The following EPHA6 variants were observed in gnomAD, a reference collection of about 807,000 sequenced individuals.
The protein encoded by EPHA6 is ephrin type-A receptor 6.
A neutral mutation model predicts 112.0 loss-of-function variants in EPHA6; 50 were observed. The observed-to-expected ratio is 0.45, with a 90% CI of 0.36 to 0.56. The LOEUF (loss-of-function observed/expected upper bound fraction) is 0.56, where lower values mean the gene tolerates loss of function less well. Ranked by LOEUF, EPHA6 falls within the 20% of genes least tolerant of loss-of-function variation. The pLI is 0.00. For synonymous variants in EPHA6, 529 were observed against 490.7 expected (o/e 1.08, Z -1.03); for missense variants, 1,280 against 1,417.4 (o/e 0.90, Z 1.56).
At chr3:97,195,548 A>G (rs2077416934) in intron 3 of EPHA6, among the ~76,000 whole-genome samples, 1 of 151,994 alleles carries the variant, frequency 6.6e-6, no homozygotes, top group Non-Finnish European at 1.5e-5. Context: ...GTGTTATAAT[A>G]TTCTGTGTTT....
At chr3:97,226,201 C>T (rs1212898456) in intron 3 of EPHA6, 63 bp from the exon 4 acceptor site, 3 of 1,370,500 alleles carry the variant, frequency 2.2e-6, no homozygotes, top group African/African-American at 2.9e-5. Flanking sequence ...GTATGTTGTA[C>T]ATGTACAAAT....
intron 2 of EPHA6, among the ~76,000 whole-genome samples, chr3:96,931,799 AATACC>A (rs1186500578): frequency 6.6e-6 from 1 of 152,132 alleles, no homozygotes; most frequent in African/African-American, 2.4e-5. Context: ...GGGCCCTCAG[AATACC>A]GCTGCTTGGC....
chr3:97,633,089 A>G (rs557707331), intron 13 of EPHA6, among the ~76,000 whole-genome samples: 2 of 152,190 alleles, frequency 1.3e-5, no homozygotes, highest in South Asian at 4.1e-4. Context: ...TACCACATAG[A>G]CAATGCGACA....
At chr3:97,080,320 A>G (rs1021897473) in intron 3 of EPHA6, among the ~76,000 whole-genome samples, 3 of 151,988 alleles carry the variant, frequency 2.0e-5, no homozygotes, top group Non-Finnish European at 4.4e-5. Flanking sequence ...AGTTAATGGC[A>G]GGATATTGCA....
chr3:97,567,043 C>T (rs906036387), intron 11 of EPHA6, among the ~76,000 whole-genome samples: 5 of 152,140 alleles, frequency 3.3e-5, no homozygotes, highest in Non-Finnish European at 5.9e-5. Context: ...ATGTGCTCTT[C>T]CAAGACCACA....
chr3:97,646,701 A>G (rs301950), intron 14 of EPHA6, among the ~76,000 whole-genome samples: 93,975 of 151,992 alleles, frequency 0.62, 29,211 homozygotes, highest in African/African-American at 0.7. Context: ...CTGCATCCTG[A>G]GCTACTGTGT....
intron 3 of EPHA6, among the ~76,000 whole-genome samples, chr3:97,131,761 T>G (rs758396064): frequency 6.6e-6 from 1 of 152,134 alleles, no homozygotes; most frequent in Non-Finnish European, 1.5e-5. Flanking sequence ...TTCATCTTGC[T>G]GTACTGTTAT....
intron 7 of EPHA6, among the ~76,000 whole-genome samples, chr3:97,449,051 G>A (rs1467472226): frequency 6.6e-6 from 1 of 152,056 alleles, no homozygotes; most frequent in Non-Finnish European, 1.5e-5. Flanking sequence ...AGAGAATAAA[G>A]CCGTGAACAA....
intron 2 of EPHA6, among the ~76,000 whole-genome samples, chr3:96,904,258 C>A (rs2038792503): frequency 6.6e-6 from 1 of 151,756 alleles, no homozygotes; most frequent in Admixed American, 6.6e-5. Context: ...ACATATACAC[C>A]ATGGAATACT....
intron 3 of EPHA6, among the ~76,000 whole-genome samples, chr3:97,212,947 T>C (rs754759904): frequency 7.2e-5 from 11 of 152,214 alleles, no homozygotes; most frequent in Non-Finnish European, 1.5e-4. Context: ...ATGATTTCTA[T>C]GTTGATGTCC....
chr3:97,085,618 AC>A (rs147131368), intron 3 of EPHA6, among the ~76,000 whole-genome samples: 2,023 of 152,110 alleles, frequency 0.013, 51 homozygotes, highest in African/African-American at 0.046. Flanking sequence ...TAACTTATAG[AC>A]CTTAAACTTT....
chr3:97,024,835 A>T (rs1156949096), intron 3 of EPHA6, among the ~76,000 whole-genome samples: 1 of 152,062 alleles, frequency 6.6e-6, no homozygotes, highest in African/African-American at 2.4e-5. Flanking sequence ...CTTGATTCTT[A>T]TTTTTTTACT....
At chr3:97,584,926 A>G (rs772746492) in intron 11 of EPHA6, among the ~76,000 whole-genome samples, 1 of 152,228 alleles carries the variant, frequency 6.6e-6, no homozygotes, top group Non-Finnish European at 1.5e-5. Flanking sequence ...AACTTATCCA[A>G]GATTAATCAG....
chr3:97,276,268 G>T (rs1325766015), intron 5 of EPHA6, among the ~76,000 whole-genome samples: 2 of 152,174 alleles, frequency 1.3e-5, no homozygotes, highest in African/African-American at 2.4e-5. Context: ...GAGAAGATCT[G>T]GGAAGGAGTC....
chr3:97,464,268 G>A (rs1452674091), intron 7 of EPHA6, among the ~76,000 whole-genome samples: 2 of 152,034 alleles, frequency 1.3e-5, no homozygotes, highest in Non-Finnish European at 2.9e-5. Flanking sequence ...GAGACAGGGA[G>A]AACAGTCTTC....
intron 2 of EPHA6, 106 bp downstream of exon 2, chr3:96,866,995 A>G (rs2036354829): frequency 1.1e-5 from 6 of 549,268 alleles, no homozygotes; most frequent in African/African-American, 4.0e-5. Context: ...GAATTTTGAC[A>G]TATAACTTAC....
At chr3:97,090,193 A>G (rs2047019686) in intron 3 of EPHA6, among the ~76,000 whole-genome samples, 1 of 152,042 alleles carries the variant, frequency 6.6e-6, no homozygotes, top group Non-Finnish European at 1.5e-5. Flanking sequence ...TCGTTTCCTC[A>G]TGTATTGCAA....
intron 2 of EPHA6, among the ~76,000 whole-genome samples, chr3:96,942,360 C>T (rs1252667714): frequency 6.6e-6 from 1 of 152,218 alleles, no homozygotes; most frequent in African/African-American, 2.4e-5. Flanking sequence ...AGTTTGATCT[C>T]AGACTGCTGT....
chr3:97,509,325 G>A (rs1004486126), intron 10 of EPHA6, among the ~76,000 whole-genome samples: 8 of 152,084 alleles, frequency 5.3e-5, no homozygotes, highest in South Asian at 2.1e-4. Flanking sequence ...GGCCGGTACC[G>A]GTTGTTCCAT....
Sources: gnomAD v4.1 joint callset for allele counts (sites outside exome capture counted in the v4.1 genomes callset) on GRCh38, gnomAD v4.1.1 for gene constraint, MANE v1.5 for transcripts, NCBI Gene and HGNC (gene_info 2026-07-23, HGNC 2026-07-21) for gene names.